PCDH15: variants seen among roughly 807,000 people sequenced by gnomAD.
PCDH15 encodes protocadherin related 15.
In PCDH15, 129 loss-of-function variants were observed where a neutral mutation model predicts 178.5. The ratio of observed to expected loss-of-function variants is 0.72; its 90% CI spans 0.63 to 0.84. The LOEUF (loss-of-function observed/expected upper bound fraction) is 0.84. Among genes scored for constraint, PCDH15 ranks in the 40% least tolerant of loss-of-function variants. The pLI is 0.00. For synonymous variants in PCDH15, 800 were observed against 732.0 expected (o/e 1.09, Z -1.50); for missense variants, 2,230 against 2,099.9 (o/e 1.06, Z -1.21).
intron 2 of PCDH15, among the ~76,000 whole-genome samples, chr10:55,077,125 G>C (rs910722604): frequency 1.6e-4 from 24 of 147,914 alleles, no homozygotes; most frequent in African/African-American, 5.5e-4. Flanking sequence ...GTTTTTATTT[G>C]AGTGGAATAT....
chr10:53,944,982 T>G (rs1187158728), intron 23 of PCDH15, among the ~76,000 whole-genome samples: 5 of 152,216 alleles, frequency 3.3e-5, no homozygotes, highest in Non-Finnish European at 5.9e-5. Flanking sequence ...TTGGCCGTTT[T>G]AAACAAAATC....
intron 2 of PCDH15, among the ~76,000 whole-genome samples, chr10:54,995,744 A>G (rs746354013): frequency 1.3e-5 from 2 of 151,772 alleles, no homozygotes; most frequent in Admixed American, 6.6e-5. Context: ...CACAGAGACT[A>G]CCAAAGAACT....
chr10:54,550,299 C>T (rs984415032), intron 2 of PCDH15, among the ~76,000 whole-genome samples: 11 of 152,152 alleles, frequency 7.2e-5, no homozygotes, highest in African/African-American at 2.7e-4. Flanking sequence ...CTTACAACTT[C>T]CACTATGCAA....
intron 2 of PCDH15, among the ~76,000 whole-genome samples, chr10:55,469,383 T>C (rs1372472977): frequency 6.6e-6 from 1 of 152,162 alleles, no homozygotes; most frequent in Non-Finnish European, 1.5e-5. Context: ...AATATTTATG[T>C]ATGTATATAT....
At chr10:54,041,091 A>C (rs1348381665) in intron 18 of PCDH15, among the ~76,000 whole-genome samples, 6 of 152,024 alleles carry the variant, frequency 3.9e-5, no homozygotes, top group Non-Finnish European at 7.4e-5. Context: ...AAGAAGAAAG[A>C]AAGCAAGAAA....
intron 3 of PCDH15, among the ~76,000 whole-genome samples, chr10:54,516,273 A>G (rs2082206277): frequency 6.6e-6 from 1 of 151,194 alleles, no homozygotes; most frequent in Admixed American, 6.6e-5. Context: ...CTACAGGAGG[A>G]AATTCAAACC....
At chr10:55,109,272 T>C (rs1837438953) in intron 2 of PCDH15, among the ~76,000 whole-genome samples, 1 of 152,210 alleles carries the variant, frequency 6.6e-6, no homozygotes, top group African/African-American at 2.4e-5. Flanking sequence ...GCCAAAGTAG[T>C]TTAAACTTCG....
Position 54,216,780 on chromosome 10 carries a change from A to G in PCDH15, c.986-2732T>C, listed in dbSNP as rs189022111. On this transcript the variant is annotated intron_variant, in intron 9 of 37. Transcript: ENST00000644397. ...TTAATGTTTACTTTTTGACCCATAC[A>G]TCCCACATCTGGACATTTTCCCATT... Among the ~76,000 whole-genome samples, 26 of 152,262 alleles carry G rather than the reference A, an allele frequency of 1.7e-4. No individual in the cohort carries two copies. In the East Asian group the frequency reaches 5.0e-3, roughly 29 times the overall value.
intron 3 of PCDH15, among the ~76,000 whole-genome samples, chr10:54,806,436 G>GA (rs370077335): frequency 7.1e-4 from 106 of 148,404 alleles, no homozygotes; most frequent in African/African-American, 1.4e-3. Context: ...AGGTTGTTTG[G>GA]AAAAAAAAAT....
intron 2 of PCDH15, among the ~76,000 whole-genome samples, chr10:54,628,974 G>A (rs2093631521): frequency 6.6e-6 from 1 of 151,770 alleles, no homozygotes; most frequent in Admixed American, 6.6e-5. Flanking sequence ...AAACAGGAAA[G>A]AATACACACA....
At chr10:55,479,156 T>C (rs528740730) in intron 2 of PCDH15, among the ~76,000 whole-genome samples, 2 of 151,502 alleles carry the variant, frequency 1.3e-5, no homozygotes, top group African/African-American at 4.8e-5. Flanking sequence ...TCAGCATTAC[T>C]CTGCTACCAA....
At chr10:54,908,821 C>T (rs913927719) in intron 2 of PCDH15, among the ~76,000 whole-genome samples, 5 of 149,574 alleles carry the variant, frequency 3.3e-5, no homozygotes, top group African/African-American at 1.2e-4. Context: ...AGCTCCTTTC[C>T]GTTAGGCAGG....
At chr10:54,464,508 T>C (rs995020678) in intron 3 of PCDH15, among the ~76,000 whole-genome samples, 2 of 152,196 alleles carry the variant, frequency 1.3e-5, no homozygotes, top group African/African-American at 2.4e-5. Flanking sequence ...TTTTTGTGTT[T>C]ACACAGAATA....
At chr10:53,848,467 G>C (rs1237129719) in intron 28 of PCDH15, among the ~76,000 whole-genome samples, 1 of 151,758 alleles carries the variant, frequency 6.6e-6, no homozygotes, top group Non-Finnish European at 1.5e-5. Flanking sequence ...ATATTTGAGG[G>C]GAGAAAAACA....
intron 2 of PCDH15, among the ~76,000 whole-genome samples, chr10:55,085,880 TATA>T (rs1842156525): frequency 6.6e-6 from 1 of 151,756 alleles, no homozygotes; most frequent in South Asian, 2.1e-4. Flanking sequence ...CATGTGTAAC[TATA>T]ATAATAAAGA....
intron 13 of PCDH15, among the ~76,000 whole-genome samples, chr10:54,153,559 T>G (rs2133343831): frequency 6.6e-6 from 1 of 152,338 alleles, no homozygotes; most frequent in South Asian, 2.1e-4. Context: ...GGCTTATCTT[T>G]ATTTTAATTT....
At chr10:54,273,287 A>T (rs894106143) in intron 8 of PCDH15, among the ~76,000 whole-genome samples, 25 of 152,218 alleles carry the variant, frequency 1.6e-4, no homozygotes, top group Admixed American at 6.5e-4. Flanking sequence ...CTGAAATTAT[A>T]TAGGAAATAT....
intron 1 of PCDH15, among the ~76,000 whole-genome samples, chr10:55,265,693 C>G (rs1264960960): frequency 6.6e-6 from 1 of 152,086 alleles, no homozygotes; most frequent in Non-Finnish European, 1.5e-5. Context: ...CATTATCGAC[C>G]AGGGATTTGC....
chr10:54,596,886 A>G (rs2092268443), intron 2 of PCDH15, among the ~76,000 whole-genome samples: 1 of 152,168 alleles, frequency 6.6e-6, no homozygotes, highest in South Asian at 2.1e-4. Flanking sequence ...GTTCAATTCA[A>G]CAAGACCTAA....
Sources: gnomAD v4.1 joint callset for allele counts (sites outside exome capture counted in the v4.1 genomes callset) on GRCh38, gnomAD v4.1.1 for gene constraint, MANE v1.5 for transcripts, NCBI Gene and HGNC (gene_info 2026-07-23, HGNC 2026-07-21) for gene names.